RGSL1: variants seen among roughly 807,000 people sequenced by gnomAD.
RGSL1 encodes the protein regulator of G protein signaling like 1.
Under a neutral mutation model 124.7 loss-of-function variants are expected in RGSL1, and 97 were observed. That is an observed-to-expected ratio of 0.78 (90% CI 0.66 to 0.92). The LOEUF (loss-of-function observed/expected upper bound fraction) is 0.92, where lower values mean the gene tolerates loss of function less well. Among genes scored for constraint, RGSL1 ranks in the 40% least tolerant of loss-of-function variants. The pLI, the probability that RGSL1 is intolerant of heterozygous loss-of-function variation, is 0.00. For synonymous variants in RGSL1, 424 were observed against 438.1 expected (o/e 0.97, Z 0.40); for missense variants, 1,233 against 1,288.4 (o/e 0.96, Z 0.66).
intron 10 of RGSL1, among the ~76,000 whole-genome samples, chr1:182,522,465 A>G (rs1197142886): frequency 6.6e-6 from 1 of 152,160 alleles, no homozygotes; most frequent in Non-Finnish European, 1.5e-5. Flanking sequence ...ACATCTTTAT[A>G]CATGTTTCTT....
chr1:182,552,479 G>T (rs1184347834), intron 18 of RGSL1, among the ~76,000 whole-genome samples: 1 of 152,156 alleles, frequency 6.6e-6, no homozygotes, highest in Non-Finnish European at 1.5e-5. Flanking sequence ...ACAAGGCTGG[G>T]TGTCTTTCAG....
At chr1:182,456,191 G>A (rs1558220525) in intron 2 of RGSL1, among the ~76,000 whole-genome samples, 1 of 152,136 alleles carries the variant, frequency 6.6e-6, no homozygotes, top group Non-Finnish European at 1.5e-5. Flanking sequence ...CAGGCAACAG[G>A]ATTAAAATGA....
chr1:182,458,512 C>A lies in RGSL1; in HGVS notation c.171+119C>A, dbSNP rs535605222. ...GGAGATGGGGTCTCATTCTGTCACC[C>A]AGGCTGCAGTGCGGTGATGCGATCT... On this transcript the variant is annotated intron_variant, in intron 3 of 21. Transcript: ENST00000294854. 8 of 838,992 alleles carry A rather than the reference C, an allele frequency of 9.5e-6. No homozygotes were observed. The East Asian group carries it at 1.6e-4, about 17-fold the overall frequency. 52.0% of individuals were successfully genotyped at this position (838,992 alleles called of 1,614,324 possible).
chr1:182,540,114 G>A lies in RGSL1; in HGVS notation c.2495-133G>A, dbSNP rs1242968540. ...GTCCAAGTAAAAGGTTGAGCCCAAT[G>A]GCAGTAAGTGACTATTTCAGTAGGC... On this transcript the variant is annotated intron_variant, in intron 14 of 21. Transcript: ENST00000294854. The A allele has an allele frequency of 6.1e-5, 49 of 806,712 alleles. 1 individual carries two copies. Among genetic ancestry groups the A allele is most frequent in the South Asian group, 4.6e-5 (2 of 43,166 alleles). 50.0% of individuals were successfully genotyped at this position (806,712 alleles called of 1,614,324 possible).
intron 21 of RGSL1, among the ~76,000 whole-genome samples, chr1:182,559,658 A>T (rs1218186596): frequency 6.6e-6 from 1 of 152,190 alleles, no homozygotes; most frequent in East Asian, 1.9e-4. Flanking sequence ...CCTTTGTGGG[A>T]CATACAAGGC....
At chr1:182,548,585 A>T in intron 16 of RGSL1, 115 bp from the exon 17 acceptor site, 1 of 1,508,146 alleles carries the variant, frequency 6.6e-7, no homozygotes, top group South Asian at 1.3e-5. Flanking sequence ...TAGCAACTCC[A>T]TGAAAACCGT....
In RGSL1 at chr1:182,473,950, A is replaced by C. The variant is rs1224471033; in HGVS notation, c.839A>C (p.Gln280Pro). The C allele has an allele frequency of 6.4e-7, 1 of 1,551,972 alleles. No homozygotes were observed. Among genetic ancestry groups the C allele is most frequent in the Non-Finnish European group, 8.7e-7 (1 of 1,147,078 alleles). The change falls in exon 6 of 22, where the codon CAG becomes CCG. Residue 280 changes from glutamine (Q) to proline (P), a missense_variant. By Grantham distance (76) the Gln-to-Pro change is moderately conservative (BLOSUM62 -1). Coordinates refer to ENST00000294854, the MANE Select transcript of RGSL1 (RefSeq NM_001137669.2). ...CCAGATGCTATTGGTATGCCCCTAC[A>C]GGAGACATGTCCTCAAGAGAAGGTG... ...LKPDAIGMPL[Q>P]ETCPQEKVVI...
In RGSL1 at chr1:182,510,605, G is replaced by T. The variant is rs111823815; in HGVS notation, c.1826-11399G>T. On this transcript the variant is annotated intron_variant, in intron 9 of 21. Transcript: ENST00000294854. Reference sequence around the variant, plus strand: ...ATCAGGCAGGGAGGTTGCAGTGAGCGGGGATGGCAGCAGTACAGTCCAGCT... The same window carrying T: ...ATCAGGCAGGGAGGTTGCAGTGAGCTGGGATGGCAGCAGTACAGTCCAGCT... 7.9e-5 allele frequency among the ~76,000 whole-genome samples: 2 copies of T among 25,392 alleles called. 1 individual carries two copies. The highest frequency in any genetic ancestry group is 1.8e-4 in the Non-Finnish European group (2 of 11,264). 16.7% of individuals were successfully genotyped at this position (25,392 alleles called of 152,430 possible). A position where few individuals can be genotyped will look rare whatever the true frequency, so the allele number is the denominator to read the frequency against.
At chr1:182,546,391 A>G (rs1296946205) in intron 15 of RGSL1, among the ~76,000 whole-genome samples, 2 of 151,592 alleles carry the variant, frequency 1.3e-5, no homozygotes, top group African/African-American at 2.4e-5. Flanking sequence ...CACCTAACTC[A>G]ACAGTATTTT....
chr1:182,455,558 A>G (rs950761850), intron 2 of RGSL1, among the ~76,000 whole-genome samples: 6 of 151,848 alleles, frequency 4.0e-5, no homozygotes, highest in Admixed American at 2.0e-4. Context: ...CTCCAGCCTA[A>G]GTGACAGAGC....
intron 6 of RGSL1, among the ~76,000 whole-genome samples, chr1:182,475,292 AG>A (rs940856253): frequency 2.6e-5 from 4 of 152,360 alleles, no homozygotes; most frequent in African/African-American, 9.6e-5. Context: ...ATTAGATAAA[AG>A]CAAGAGAATA....
At chr1:182,486,458 C>T (rs2102081802) in intron 6 of RGSL1, among the ~76,000 whole-genome samples, 1 of 151,854 alleles carries the variant, frequency 6.6e-6, no homozygotes, top group South Asian at 2.1e-4. Context: ...GTGGTACTCC[C>T]TGTGGGTGGC....
intron 10 of RGSL1, among the ~76,000 whole-genome samples, chr1:182,523,395 A>G (rs1658502164): frequency 2.0e-5 from 3 of 151,900 alleles, no homozygotes; most frequent in Non-Finnish European, 2.9e-5. Flanking sequence ...GTCTCTTCTA[A>G]CCACTCTAGA....
At chr1:182,500,277 C>T (rs1350667103) in intron 9 of RGSL1, among the ~76,000 whole-genome samples, 1 of 152,028 alleles carries the variant, frequency 6.6e-6, no homozygotes, top group Non-Finnish European at 1.5e-5. Context: ...CTCTTCTTTC[C>T]CCCCATTGAA....
intron 4 of RGSL1, among the ~76,000 whole-genome samples, chr1:182,464,051 G>T (rs1653071641): frequency 6.6e-6 from 1 of 151,898 alleles, no homozygotes; most frequent in South Asian, 2.1e-4. Context: ...AATAACAGAA[G>T]TTAAAGTAGA....
chr1:182,472,384 T>A lies in RGSL1; in HGVS notation c.302-12T>A. 1 of 1,544,920 alleles carries A rather than the reference T, an allele frequency of 6.5e-7. No individual in the cohort carries two copies. The highest frequency in any genetic ancestry group is 1.2e-5 in the South Asian group (1 of 83,082). ...AGGGTATAGCTCTGTGCCTCTTCTG[T>A]CTCACCCGTAGGTGAAGAATTGGTG... On this transcript the variant is annotated splice_polypyrimidine_tract_variant and intron_variant, in intron 4 of 21. Transcript: ENST00000294854.
chr1:182,512,302 A>G (rs1657520365), intron 9 of RGSL1, among the ~76,000 whole-genome samples: 1 of 152,060 alleles, frequency 6.6e-6, no homozygotes, highest in African/African-American at 2.4e-5. Flanking sequence ...TATGTTGTCT[A>G]TTTTATCTGA....
In RGSL1 at chr1:182,554,967, C is replaced by T. The variant is rs142901972; in HGVS notation, c.3197+274C>T. 37 of 434,786 alleles carry T rather than the reference C, an allele frequency of 8.5e-5. No individual in the cohort carries two copies. In the East Asian group the frequency reaches 1.4e-3, roughly 16 times the overall value. The allele number at this position is 434,786 out of a possible 1,614,324, so 26.9% of individuals were successfully genotyped here. A position where few individuals can be genotyped will look rare whatever the true frequency, so the allele number is the denominator to read the frequency against. On this transcript the variant is annotated intron_variant, in intron 20 of 21. Coordinates refer to ENST00000294854, the MANE Select transcript of RGSL1 (RefSeq NM_001137669.2). ...GAACAATACTGCTGTGGAAGTGTCCCAGATGATCTTTGATTTTTATTTTTC... is the reference window on the plus strand; with the variant it reads ...GAACAATACTGCTGTGGAAGTGTCCTAGATGATCTTTGATTTTTATTTTTC...
At chr1:182,511,142 C>A (rs561111122) in intron 9 of RGSL1, among the ~76,000 whole-genome samples, 4 of 152,006 alleles carry the variant, frequency 2.6e-5, no homozygotes, top group Non-Finnish European at 5.9e-5. Context: ...TAGTTTCATT[C>A]TTCTCCATAT....
Sources: allele counts gnomAD v4.1 joint callset (sites outside exome capture counted in the v4.1 genomes callset), GRCh38; gene constraint gnomAD v4.1.1; transcripts MANE v1.5; gene names NCBI Gene and HGNC (gene_info 2026-07-23, HGNC 2026-07-21).